The following NAV1 variants were observed in gnomAD, a reference collection of about 807,000 sequenced individuals.
The protein encoded by NAV1 is neuron navigator 1.
In NAV1, 18 loss-of-function variants were observed where a neutral mutation model predicts 175.2. The ratio of observed to expected loss-of-function variants is 0.10; its 90% CI spans 0.07 to 0.15. The LOEUF is 0.15. Among genes scored for constraint, NAV1 ranks in the 10% least tolerant of loss-of-function variants. The pLI, the probability that NAV1 is intolerant of heterozygous loss-of-function variation, is 1.00. For synonymous variants in NAV1, 897 were observed against 978.7 expected (o/e 0.92, Z 1.56); for missense variants, 1,731 against 2,436.6 (o/e 0.71, Z 6.10).
intron 1 of NAV1, among the ~76,000 whole-genome samples, chr1:201,571,434 C>T (rs2102173470): frequency 6.6e-6 from 1 of 152,328 alleles, no homozygotes; most frequent in South Asian, 2.1e-4. Context: ...TATTGAGCAC[C>T]TTCCATGTTT....
At chr1:201,582,747 G>A (rs1235894010) in intron 1 of NAV1, among the ~76,000 whole-genome samples, 1 of 152,222 alleles carries the variant, frequency 6.6e-6, no homozygotes, top group Non-Finnish European at 1.5e-5. Context: ...TCGGGAATGG[G>A]AGAGTGGGAG....
At chr1:201,811,544 C>T (rs1678688458) in intron 24 of NAV1, 59 bp from the exon 29 acceptor site, 6 of 1,605,892 alleles carry the variant, frequency 3.7e-6, no homozygotes, top group Non-Finnish European at 5.1e-6. Flanking sequence ...ATCCTGATTT[C>T]CAAGGCCGAT....
chr1:201,765,266 A>G (rs1407582162), intron 3 of NAV1, among the ~76,000 whole-genome samples: 1 of 152,178 alleles, frequency 6.6e-6, no homozygotes, highest in Admixed American at 6.5e-5. Context: ...TGAGTGACTT[A>G]AAAGAAAAAG....
intron 22 of NAV1, 66 bp from the exon 27 acceptor site, chr1:201,809,880 C>A: frequency 6.9e-7 from 1 of 1,442,550 alleles, no homozygotes. Context: ...GATAGACATT[C>A]TTTGTTGTGG....
intron 2 of NAV1, among the ~76,000 whole-genome samples, chr1:201,632,943 G>A (rs551298805): frequency 5.9e-5 from 9 of 152,346 alleles, no homozygotes; most frequent in African/African-American, 1.4e-4. Flanking sequence ...CAAAGCTAGT[G>A]TGCCTGGGGC....
intron 3 of NAV1, among the ~76,000 whole-genome samples, chr1:201,744,316 GTATTTATT>G (rs201881780): frequency 6.7e-4 from 94 of 141,030 alleles, no homozygotes; most frequent in Middle Eastern, 3.4e-3. Context: ...ATGTATGTAT[GTATTTATT>G]TATTTATTTA....
At chr1:201,650,668 G>T (rs1246009837) in intron 1 of NAV1, among the ~76,000 whole-genome samples, 1 of 152,190 alleles carries the variant, frequency 6.6e-6, no homozygotes, top group Non-Finnish European at 1.5e-5. Context: ...TCGGCCTGCT[G>T]CAGTCTTCCT....
intron 1 of NAV1, among the ~76,000 whole-genome samples, chr1:201,683,403 G>C (rs1017461423): frequency 2.0e-5 from 3 of 152,088 alleles, no homozygotes; most frequent in African/African-American, 7.2e-5. Flanking sequence ...GGATGGGGTG[G>C]AGATGGTTTT....
At chr1:201,565,276 C>A (rs1470161236) in intron 1 of NAV1, among the ~76,000 whole-genome samples, 1 of 152,216 alleles carries the variant, frequency 6.6e-6, no homozygotes, top group African/African-American at 2.4e-5. Flanking sequence ...ACTACATAAA[C>A]CATGTGGTGC....
intron 1 of NAV1, among the ~76,000 whole-genome samples, chr1:201,688,581 C>T (rs602668): frequency 0.82 from 124,635 of 152,146 alleles, 51,292 homozygotes; most frequent in East Asian, 0.89. Context: ...CCAGGAATCC[C>T]TTTTTGCGGG....
At chr1:201,729,889 G>A (rs1571911531) in intron 3 of NAV1, among the ~76,000 whole-genome samples, 2 of 152,122 alleles carry the variant, frequency 1.3e-5, no homozygotes, top group Admixed American at 1.3e-4. Flanking sequence ...CTGGGCGACA[G>A]AGCAAAACTG....
chr1:201,756,878 TTCTTTCTCTG>T lies in NAV1; in HGVS notation c.1227-23534_1227-23525del, dbSNP rs60200991. On this transcript the variant is annotated intron_variant, in intron 3 of 29. Coordinates refer to ENST00000367296, the Ensembl canonical transcript of NAV1. ...TTTCTTTCTTTCTTTCTTTCTTTCT[TTCTTTCTCTG>T]TCTTTCTCCCCACTACTTTGGCTTT... 1.7e-3 allele frequency among the ~76,000 whole-genome samples: 205 copies of T among 117,282 alleles called. 2 individuals carry two copies. Among genetic ancestry groups the T allele is most frequent in the African/African-American group, 7.7e-3 (198 of 25,600 alleles). The allele number at this position is 117,282 out of a possible 152,430, so 76.9% of individuals were successfully genotyped here. A position where few individuals can be genotyped will look rare whatever the true frequency, so the allele number is the denominator to read the frequency against.
rs368351893 is a variant in NAV1, at chr1:201,808,891, A to T, written c.4207+20A>T. 1.3e-5 allele frequency: 21 copies of T among 1,604,738 alleles called. No individual in the cohort carries two copies. In the African/African-American group the frequency reaches 2.8e-4, roughly 21 times the overall value. On this transcript the variant is annotated intron_variant, in intron 20 of 29. Coordinates refer to ENST00000367296, the Ensembl canonical transcript of NAV1. The surrounding 1 kb of genome is among the most constrained non-coding windows in gnomAD (Gnocchi z 5.5). ...ACACAGGTACCTGTGTGGGAGAAGA[A>T]TCTATAAGGGTGAAGGGAAGAAAAG... is the stretch of plus-strand genomic sequence containing the variant.
intron 1 of NAV1, among the ~76,000 whole-genome samples, chr1:201,552,509 G>A (rs980463816): frequency 1.3e-5 from 2 of 151,914 alleles, no homozygotes; most frequent in Non-Finnish European, 2.9e-5. Context: ...GGGCTCTGAC[G>A]CATGTGGGGT....
intron 2 of NAV1, among the ~76,000 whole-genome samples, chr1:201,633,355 CTG>C (rs1462373657): frequency 6.6e-6 from 1 of 152,206 alleles, no homozygotes; most frequent in African/African-American, 2.4e-5. Flanking sequence ...TATTATTACT[CTG>C]TGTTATGGAT....
exon 30 of NAV1, chr1:201,823,404 C>G (rs754681875): frequency 6.6e-6 from 1 of 152,276 alleles, no homozygotes; most frequent in Non-Finnish European, 1.5e-5. Context: ...CTCCCTCTCT[C>G]ACACACACAA....
chr1:201,802,457 TAAAAAA>T (rs34494216), intron 15 of NAV1, among the ~76,000 whole-genome samples: 6 of 101,086 alleles, frequency 5.9e-5, no homozygotes, highest in South Asian at 3.5e-4. Context: ...CCTGTCTCAT[TAAAAAA>T]AAAAAAAAAA....
At chr1:201,677,750 C>T (rs889468090) in intron 1 of NAV1, among the ~76,000 whole-genome samples, 2 of 152,166 alleles carry the variant, frequency 1.3e-5, no homozygotes, top group Non-Finnish European at 2.9e-5. Context: ...ACCTCAGCTT[C>T]GTGAGTAGCT....
intron 3 of NAV1, among the ~76,000 whole-genome samples, chr1:201,729,830 C>T (rs1402802714): frequency 2.0e-5 from 3 of 151,880 alleles, no homozygotes; most frequent in Non-Finnish European, 2.9e-5. Context: ...GGCGTGAACC[C>T]GGGAGGTGGA....
Sources: allele counts gnomAD v4.1 joint callset (sites outside exome capture counted in the v4.1 genomes callset), GRCh38; gene constraint gnomAD v4.1.1; non-coding constraint Gnocchi (gnomAD v3.1); transcripts MANE v1.5; gene names NCBI Gene and HGNC (gene_info 2026-07-23, HGNC 2026-07-21).